RPS6KA2: variants seen among roughly 807,000 people sequenced by gnomAD.
RPS6KA2 encodes ribosomal protein S6 kinase alpha-2.
RPS6KA2 carries 42 observed loss-of-function variants against 91.8 expected under a neutral mutation model. That is an observed-to-expected ratio of 0.46 (90% CI 0.36 to 0.59). The LOEUF (loss-of-function observed/expected upper bound fraction) is 0.59, where lower values mean the gene tolerates loss of function less well. Among genes scored for constraint, RPS6KA2 ranks in the 20% least tolerant of loss-of-function variants. The pLI, the probability that RPS6KA2 is intolerant of heterozygous loss-of-function variation, is 0.00. For missense variants in RPS6KA2, 798 were observed against 978.5 expected (o/e 0.82, Z 2.46); for synonymous variants, 414 against 393.6 (o/e 1.05, Z -0.61).
At position 166,423,382 on chromosome 6, in the gene RPS6KA2, C is replaced by A. The variant is rs149814419; in HGVS notation, c.1617G>T (p.Leu539=). The stretch of plus-strand genomic sequence containing the variant: ...CTGGGCTCCCCGACTCATCCCTGTA[C>A]AGGATGTTACTCGGCTTCAGGTCTC... ...VHRDLKPSNI[L]YRDESGSPES... is the part of the protein sequence containing the mutation. Residue 539 remains leucine, a synonymous_variant, in exon 17 of 21, where the codon CTG becomes CTT. Transcript: ENST00000265678. The surrounding 1 kb of genome is among the most constrained non-coding windows in gnomAD (Gnocchi z 4.8). 2.5e-6 allele frequency: 4 copies of A among 1,613,468 alleles called. No homozygotes were observed. The highest frequency in any genetic ancestry group is 1.6e-4 in the Middle Eastern group (1 of 6,062).
intron 3 of RPS6KA2, among the ~76,000 whole-genome samples, chr6:166,519,076 C>CA (rs1259686925): frequency 2.6e-5 from 4 of 152,206 alleles, no homozygotes; most frequent in Non-Finnish European, 5.9e-5. Flanking sequence ...ACAGTGAAAG[C>CA]AAATGTTTCA....
At position 166,689,146 on chromosome 6, in the gene RPS6KA2, G is replaced by A. The variant is rs78815265; in HGVS notation, c.124-150362C>T. ...TGTGCCTGGAGGCTGCGCCAAAAGC[G>A]CTCCCCTACCAAAGCCCTCGCTTTC... On this transcript the variant is annotated intron_variant, in intron 2 of 21. Transcript: ENST00000503859. Among the ~76,000 whole-genome samples, 814 of 152,360 alleles carry A rather than the reference G, an allele frequency of 5.3e-3. 7 individuals are homozygous for A. The highest frequency in any genetic ancestry group is 0.019 in the African/African-American group (779 of 41,588).
At chr6:166,432,552 T>A in intron 14 of RPS6KA2, 62 bp from the exon 15 acceptor site, 3 of 1,008,148 alleles carry the variant, frequency 3.0e-6, no homozygotes, top group Non-Finnish European at 4.6e-6. Flanking sequence ...TGGTATCTGC[T>A]GGTGGACCAT....
At chr6:166,478,518 CT>C (rs1781067465) in intron 10 of RPS6KA2, among the ~76,000 whole-genome samples, 1 of 152,186 alleles carries the variant, frequency 6.6e-6, no homozygotes, top group Non-Finnish European at 1.5e-5. Flanking sequence ...GTACTGCAGG[CT>C]TTCCATTTAC....
intron 2 of RPS6KA2, among the ~76,000 whole-genome samples, chr6:166,717,854 C>CT (rs11410957): frequency 0.25 from 36,238 of 145,592 alleles, 4,876 homozygotes; most frequent in African/African-American, 0.37. Context: ...TCTTTTCTTT[C>CT]TTTTTTTTTT....
intron 5 of RPS6KA2, among the ~76,000 whole-genome samples, chr6:166,507,810 C>G (rs559820641): frequency 3.3e-5 from 5 of 151,132 alleles, no homozygotes; most frequent in Non-Finnish European, 7.4e-5. Context: ...TCACATGACA[C>G]ATGCACACCC....
At chr6:166,836,726 T>G (rs953546073) in intron 2 of RPS6KA2, among the ~76,000 whole-genome samples, 1 of 152,208 alleles carries the variant, frequency 6.6e-6, no homozygotes. Flanking sequence ...TCTGGGCCAG[T>G]CTCGAGGACA....
intron 1 of RPS6KA2, among the ~76,000 whole-genome samples, chr6:166,547,472 C>G (rs1246480739): frequency 6.6e-6 from 1 of 152,192 alleles, no homozygotes; most frequent in African/African-American, 2.4e-5. Context: ...TGCTGGTGCC[C>G]AACTGGTCAT....
intron 2 of RPS6KA2, among the ~76,000 whole-genome samples, chr6:166,832,036 T>TGATAGATA (rs58214863): frequency 0.063 from 9,373 of 147,970 alleles, 330 homozygotes; most frequent in Middle Eastern, 0.086. Flanking sequence ...AGATGATACA[T>TGATAGATA]GATAGATAGA....
At chr6:166,586,573 C>T (rs1283802217) in intron 1 of RPS6KA2, 6 of 1,210,392 alleles carry the variant, frequency 5.0e-6, no homozygotes. Context: ...AGGCCGAACC[C>T]CGCCGGCGAG....
intron 2 of RPS6KA2, among the ~76,000 whole-genome samples, chr6:166,638,013 T>C (rs921176564): frequency 6.6e-6 from 1 of 152,244 alleles, no homozygotes; most frequent in Admixed American, 6.5e-5. Flanking sequence ...TGGGAGTTTG[T>C]GGCCACAGCC....
At chr6:166,586,536 C>T in intron 1 of RPS6KA2, 1 of 1,506,594 alleles carries the variant, frequency 6.6e-7, no homozygotes, top group Non-Finnish European at 9.0e-7. Flanking sequence ...TTGTTTAAAT[C>T]CGCCAAGGGC....
chr6:166,692,950 C>T (rs1470747441), intron 2 of RPS6KA2, among the ~76,000 whole-genome samples: 3 of 152,288 alleles, frequency 2.0e-5, no homozygotes, highest in South Asian at 2.1e-4. Flanking sequence ...CAAACCTCCA[C>T]GGGAGTATGT....
chr6:166,795,772 C>T (rs550777891), intron 2 of RPS6KA2, among the ~76,000 whole-genome samples: 4 of 152,238 alleles, frequency 2.6e-5, no homozygotes, highest in Non-Finnish European at 4.4e-5. Flanking sequence ...GTGGGATGCT[C>T]GGACCACAGG....
intron 14 of RPS6KA2, among the ~76,000 whole-genome samples, chr6:166,432,972 G>T (rs1020686381): frequency 5.5e-5 from 8 of 146,600 alleles, no homozygotes; most frequent in Non-Finnish European, 1.2e-4. Context: ...TCCAGCCTGG[G>T]TGACAGAGCG....
chr6:166,416,522 G>A (rs1413328414), intron 19 of RPS6KA2, among the ~76,000 whole-genome samples: 1 of 148,264 alleles, frequency 6.7e-6, no homozygotes, highest in Admixed American at 6.7e-5. Flanking sequence ...TGCCACTTTT[G>A]CCATCCCTTC....
chr6:166,430,386 C>G lies in RPS6KA2; in HGVS notation c.1581+67G>C, dbSNP rs754642025. 244 of 1,437,634 alleles carry G rather than the reference C, an allele frequency of 1.7e-4. 1 individual carries two copies. The highest frequency in any genetic ancestry group is 2.0e-4 in the Non-Finnish European group (213 of 1,044,376). 89.1% of individuals were successfully genotyped at this position (1,437,634 alleles called of 1,614,324 possible). ...TTCTCAGCTCTTGAACCCATAAACCCTTGTGGTTTTGGTTCCTGCCCTGAA... is the reference window on the plus strand; with the variant it reads ...TTCTCAGCTCTTGAACCCATAAACCGTTGTGGTTTTGGTTCCTGCCCTGAA... On this transcript the variant is annotated intron_variant, in intron 16 of 20. Transcript: ENST00000265678.
chr6:166,702,676 T>G, intron 2 of RPS6KA2: 1 of 1,461,090 alleles, frequency 6.8e-7, no homozygotes, highest in Non-Finnish European at 9.6e-7. Flanking sequence ...TGAAAGCGCC[T>G]CAATGGCCTT....
rs960674075 is a variant in RPS6KA2 at position 166,825,457 on chromosome 6, C to T, written c.123+32743G>A. Reference sequence around the variant, plus strand: ...GAGGGACCCCTGGGCAGGCCTGCTTCCCCTGACATGACCCAGATCCTGGCA... The same window carrying T: ...GAGGGACCCCTGGGCAGGCCTGCTTTCCCTGACATGACCCAGATCCTGGCA... On this transcript the variant is annotated intron_variant, in intron 2 of 21. Transcript: ENST00000503859. This position sits in a 1 kb window ranked among gnomAD's most constrained non-coding sequence, Gnocchi z 4.1. Among the ~76,000 whole-genome samples, 3 of 152,082 alleles carry T rather than the reference C, an allele frequency of 2.0e-5. No homozygotes were observed. Among genetic ancestry groups the T allele is most frequent in the African/African-American group, 7.3e-5 (3 of 41,320 alleles).
Sources: allele counts gnomAD v4.1 joint callset (sites outside exome capture counted in the v4.1 genomes callset), GRCh38; gene constraint gnomAD v4.1.1; non-coding constraint Gnocchi (gnomAD v3.1); transcripts MANE v1.5; gene names NCBI Gene and HGNC (gene_info 2026-07-23, HGNC 2026-07-21).